Variants in MAN1A2 observed in about 807,000 individuals in gnomAD.
MAN1A2 encodes the protein mannosidase alpha class 1A member 2.
MAN1A2 carries 26 observed loss-of-function variants against 75.7 expected under a neutral mutation model. The ratio of observed to expected loss-of-function variants is 0.34; its 90% CI spans 0.25 to 0.48. MAN1A2 has a LOEUF of 0.48. Among genes scored for constraint, MAN1A2 ranks in the 20% least tolerant of loss-of-function variants. The probability of loss-of-function intolerance (pLI) is 0.99; values close to 1 mark genes in which losing one functional copy is unlikely to be tolerated. For synonymous variants in MAN1A2, 247 were observed against 264.6 expected, an observed-to-expected ratio of 0.93 and a Z score of 0.65; for missense variants, 562 against 775.5, an observed-to-expected ratio of 0.72 and a Z score of 3.27.
At chr1:117,462,963 G>C (rs1649866018) in intron 7 of MAN1A2, among the ~76,000 whole-genome samples, 1 of 152,064 alleles carries the variant, frequency 6.6e-6, no homozygotes, top group African/African-American at 2.4e-5. Context: ...AAATTGAGAT[G>C]TGAGTAGAGT....
intron 1 of MAN1A2, among the ~76,000 whole-genome samples, chr1:117,372,128 A>G (rs954851015): frequency 2.6e-5 from 4 of 152,200 alleles, no homozygotes; most frequent in African/African-American, 9.7e-5. Flanking sequence ...ATTTTAAATT[A>G]AAAAAATTAA....
At chr1:117,428,863 A>G (rs1428002627) in intron 5 of MAN1A2, among the ~76,000 whole-genome samples, 1 of 117,160 alleles carries the variant, frequency 8.5e-6, no homozygotes, top group Non-Finnish European at 1.7e-5. Flanking sequence ...GGGATTTGGC[A>G]GGGTCATGGG....
chr1:117,470,891 G>A (rs903571607), intron 8 of MAN1A2, among the ~76,000 whole-genome samples: 1 of 151,938 alleles, frequency 6.6e-6, no homozygotes, highest in East Asian at 1.9e-4. Context: ...TTAGAGTAAT[G>A]ATAATGTCTG....
chr1:117,387,566 A>G (rs549321765), intron 1 of MAN1A2, among the ~76,000 whole-genome samples: 1 of 152,312 alleles, frequency 6.6e-6, no homozygotes, highest in African/African-American at 2.4e-5. Context: ...GTACATTTAA[A>G]ACAATGTAAA....
chr1:117,379,585 A>T (rs779201325), intron 1 of MAN1A2, among the ~76,000 whole-genome samples: 15 of 152,246 alleles, frequency 9.9e-5, no homozygotes, highest in Non-Finnish European at 4.4e-5. Context: ...AAGCATTTTC[A>T]TTACTCCAAA....
At chr1:117,458,406 A>G (rs1649670260) in intron 6 of MAN1A2, among the ~76,000 whole-genome samples, 2 of 150,660 alleles carry the variant, frequency 1.3e-5, no homozygotes, top group African/African-American at 4.9e-5. Context: ...ATGTTCTTAC[A>G]TCTATTTTAA....
At chr1:117,378,890 CTTAT>C (rs71100317) in intron 1 of MAN1A2, among the ~76,000 whole-genome samples, 24,931 of 151,820 alleles carry the variant, frequency 0.16, 2,485 homozygotes, top group African/African-American at 0.26. Flanking sequence ...TTGCCTTTTT[CTTAT>C]TTATTTGTAG....
intron 5 of MAN1A2, among the ~76,000 whole-genome samples, chr1:117,435,489 T>C (rs1166537892): frequency 1.3e-5 from 2 of 152,156 alleles, no homozygotes; most frequent in East Asian, 3.8e-4. Context: ...CATGTTGGAA[T>C]AGGTTGAGGA....
chr1:117,418,483 G>A (rs1044416934), intron 4 of MAN1A2, among the ~76,000 whole-genome samples: 2 of 152,118 alleles, frequency 1.3e-5, no homozygotes, highest in Admixed American at 1.3e-4. Flanking sequence ...TGAGAATAGA[G>A]GTACAGTTCC....
intron 8 of MAN1A2, among the ~76,000 whole-genome samples, chr1:117,474,327 A>G (rs1235107929): frequency 6.6e-6 from 1 of 151,960 alleles, no homozygotes; most frequent in Non-Finnish European, 1.5e-5. Context: ...AACAGTACAG[A>G]TTAAAGTTAC....
At chr1:117,424,376 A>G (rs911949071) in intron 5 of MAN1A2, among the ~76,000 whole-genome samples, 2 of 152,188 alleles carry the variant, frequency 1.3e-5, no homozygotes, top group Non-Finnish European at 2.9e-5. Context: ...TTCCACGATC[A>G]TGGCATATGG....
chr1:117,525,087 A>G lies in MAN1A2; in HGVS notation c.*2130A>G, dbSNP rs1307640989. On this transcript the variant is annotated 3_prime_UTR_variant, in exon 13 of 13. Coordinates refer to ENST00000356554, the MANE Select transcript of MAN1A2 (RefSeq NM_006699.5). ...AGTAAAGGGACCTTCTTGGTTCTGC[A>G]GGAACTTCTCAAGGGATGAGGAGAC... 1 of 526,502 alleles carries G rather than the reference A, an allele frequency of 1.9e-6. No homozygotes were observed. The highest frequency in any genetic ancestry group is 1.4e-5 in the South Asian group (1 of 69,642). The allele number at this position is 526,502 out of a possible 1,614,324, so 32.6% of individuals were successfully genotyped here. A position where few individuals can be genotyped will look rare whatever the true frequency, so the allele number is the denominator to read the frequency against.
At chr1:117,415,819 C>A (rs1647972438) in intron 4 of MAN1A2, among the ~76,000 whole-genome samples, 1 of 151,922 alleles carries the variant, frequency 6.6e-6, no homozygotes, top group East Asian at 1.9e-4. Flanking sequence ...TCCTAAAGAT[C>A]CAGACATTTT....
intron 1 of MAN1A2, among the ~76,000 whole-genome samples, chr1:117,397,844 G>A (rs576608564): frequency 2.0e-5 from 3 of 151,712 alleles, no homozygotes; most frequent in African/African-American, 7.3e-5. Flanking sequence ...TAGAGACGGG[G>A]TTTCACCATG....
chr1:117,468,786 C>T (rs561379607), intron 8 of MAN1A2, among the ~76,000 whole-genome samples: 1 of 152,106 alleles, frequency 6.6e-6, no homozygotes, highest in African/African-American at 2.4e-5. Context: ...AGATAAATGA[C>T]ATATCTAGAA....
At chr1:117,451,254 G>A (rs149560434) in intron 6 of MAN1A2, among the ~76,000 whole-genome samples, 2 of 152,284 alleles carry the variant, frequency 1.3e-5, no homozygotes, top group African/African-American at 2.4e-5. Flanking sequence ...ACTTGCATGG[G>A]GCCTGTAGCC....
Position 117,523,033 on chromosome 1 carries a change from G to A in MAN1A2, c.*76G>A. 6.5e-7 allele frequency: 1 copy of A among 1,547,704 alleles called. No individual in the cohort carries two copies. The highest frequency in any genetic ancestry group is 8.9e-7 in the Non-Finnish European group (1 of 1,129,726). On this transcript the variant is annotated 3_prime_UTR_variant, in exon 13 of 13. Coordinates refer to ENST00000356554, the MANE Select transcript of MAN1A2 (RefSeq NM_006699.5). Reference sequence around the variant, plus strand: ...CTACAGAAATTAGTTTGAAGGGGCGGCTTTTGAAAACCTGGACCTCTATGT... The same window carrying A: ...CTACAGAAATTAGTTTGAAGGGGCGACTTTTGAAAACCTGGACCTCTATGT...
At chr1:117,472,666 A>G (rs1474594893) in intron 8 of MAN1A2, among the ~76,000 whole-genome samples, 1 of 151,856 alleles carries the variant, frequency 6.6e-6, no homozygotes, top group Non-Finnish European at 1.5e-5. Flanking sequence ...TGCTTCACTC[A>G]GTCTTTTTAT....
At chr1:117,405,456 C>G in intron 2 of MAN1A2, 93 bp from the exon 3 acceptor site, 1 of 750,468 alleles carries the variant, frequency 1.3e-6, no homozygotes, top group Non-Finnish European at 2.4e-6. Flanking sequence ...GAAGAATGGG[C>G]AAGGATATAG....
Sources: allele counts gnomAD v4.1 joint callset (sites outside exome capture counted in the v4.1 genomes callset), GRCh38; gene constraint gnomAD v4.1.1; transcripts MANE v1.5; gene names NCBI Gene and HGNC (gene_info 2026-07-23, HGNC 2026-07-21).